TRMT112: variants seen among roughly 807,000 people sequenced by gnomAD.
TRMT112 encodes multifunctional methyltransferase subunit TRM112-like protein.
In TRMT112, 9 loss-of-function variants were observed where a neutral mutation model predicts 13.8. The observed-to-expected ratio is 0.65, with a 90% CI of 0.39 to 1.14. The LOEUF (loss-of-function observed/expected upper bound fraction) is 1.14. TRMT112 is among the 50% of genes most tolerant of loss of function. The pLI is 0.01. For missense variants in TRMT112, 196 were observed against 165.5 expected (o/e 1.18, Z -1.01); for synonymous variants, 64 against 67.0 (o/e 0.96, Z 0.22).
upstream of TRMT112, chr11:64,318,439 C>T (rs2035382576): frequency 9.0e-6 from 14 of 1,549,756 alleles, no homozygotes; most frequent in Non-Finnish European, 1.2e-5. Flanking sequence ...CATGGCAATC[C>T]CCGTCCCGCT....
At chr11:64,317,175 C>G (rs1163008609) in intron 2 of TRMT112, 28 bp from the exon 3 acceptor site, 2 of 1,612,746 alleles carry the variant, frequency 1.2e-6, no homozygotes, top group Admixed American at 1.7e-5. Flanking sequence ...AAATTATCTC[C>G]GGGCATCCCG....
chr11:64,318,245 A>G (rs771199353), upstream of TRMT112: 2 of 1,611,868 alleles, frequency 1.2e-6, no homozygotes, highest in Non-Finnish European at 1.7e-6. Flanking sequence ...GCGCCCTGAG[A>G]CGCTCAGCGG....
chr11:64,318,393 G>T (rs748462954), upstream of TRMT112: 2 of 1,600,384 alleles, frequency 1.2e-6, no homozygotes, highest in Admixed American at 1.7e-5. Flanking sequence ...CAAGGTGACC[G>T]CTGGCCCGGC....
Position 64,317,445 on chromosome 11 carries a change from G to C in TRMT112, c.78+4C>G, listed in dbSNP as rs746464116. On this transcript the variant is annotated splice_donor_region_variant and intron_variant, in intron 1 of 3. Coordinates refer to ENST00000544844, the MANE Select transcript of TRMT112 (RefSeq NM_016404.3). ...GAAAAGGGAAGACTGCCGCCGGCGG[G>C]TACCTGGAGGCGCAGGGGGAAGCCA... The C allele has an allele frequency of 1.2e-6, 2 of 1,612,014 alleles. No homozygotes were observed. The highest frequency in any genetic ancestry group is 1.7e-5 in the Admixed American group (1 of 59,692).
upstream of TRMT112, chr11:64,317,992 C>T (rs1016592861): frequency 4.1e-5 from 58 of 1,408,576 alleles, no homozygotes; most frequent in Non-Finnish European, 4.4e-5. Flanking sequence ...TGCTCCAGTG[C>T]CGAAAGCTCC....
At chr11:64,318,215 T>C (rs915221912), upstream of TRMT112, 5 of 1,610,174 alleles carry the variant, frequency 3.1e-6, no homozygotes, top group Admixed American at 1.7e-5. Context: ...GTGGGGCGGG[T>C]ATGGGACTAG....
At chr11:64,318,469 A>AT, upstream of TRMT112, 1 of 1,486,664 alleles carries the variant, frequency 6.7e-7, no homozygotes, top group Non-Finnish European at 9.0e-7. Context: ...GTATCGCTTT[A>AT]TTTCCTGCCT....
chr11:64,317,882 C>T, upstream of TRMT112: 4 of 1,281,354 alleles, frequency 3.1e-6, no homozygotes, highest in Non-Finnish European at 4.0e-6. Flanking sequence ...CACCGTCGTC[C>T]TCTGTATCCC....
At chr11:64,318,387 G>T, upstream of TRMT112, 8 of 1,604,072 alleles carry the variant, frequency 5.0e-6, no homozygotes, top group Non-Finnish European at 6.0e-6. Context: ...CCCAATCAAG[G>T]TGACCGCTGG....
At chr11:64,318,118 C>A, upstream of TRMT112, 3 of 1,533,392 alleles carry the variant, frequency 2.0e-6, no homozygotes, top group East Asian at 2.4e-5. Context: ...GGCCCAGGCC[C>A]GCCTTCCGCA....
chr11:64,318,071 T>C (rs1272368640), upstream of TRMT112: 1 of 1,448,182 alleles, frequency 6.9e-7, no homozygotes, highest in Admixed American at 2.8e-5. Flanking sequence ...GGAAGCTCTG[T>C]TCTGCGGGTG....
chr11:64,318,276 G>T (rs144769220), upstream of TRMT112: 11 of 1,612,344 alleles, frequency 6.8e-6, no homozygotes, highest in African/African-American at 1.5e-4. Context: ...CGTCGGTGGG[G>T]CCGGCGGTCA....
chr11:64,318,079 G>C, upstream of TRMT112: 7 of 1,451,478 alleles, frequency 4.8e-6, no homozygotes, highest in Non-Finnish European at 6.3e-6. Flanking sequence ...TGTTCTGCGG[G>C]TGGCCGCTCG....
upstream of TRMT112, chr11:64,318,407 G>A (rs764078661): frequency 5.0e-6 from 8 of 1,591,394 alleles, no homozygotes; most frequent in Non-Finnish European, 6.8e-6. Context: ...GCCCGGCCGG[G>A]CCTGACATCC....
chr11:64,317,330 G>C lies in TRMT112; in HGVS notation c.114C>G (p.Asn38Lys). The C allele has an allele frequency of 6.2e-7, 1 of 1,614,190 alleles. No homozygotes were observed. ...TEVRICPVEFNPNFVARMIPK... is the reference protein window; with the variant it reads ...TEVRICPVEFKPNFVARMIPK... Reference sequence around the variant, plus strand: ...GTATCATACGCGCCACGAAGTTGGGGTTGAATTCCACAGGGCAGATACGGA... The same window carrying C: ...GTATCATACGCGCCACGAAGTTGGGCTTGAATTCCACAGGGCAGATACGGA... The change falls in exon 2 of 4, where the codon AAC becomes AAG. Residue 38 changes from asparagine to lysine, a missense_variant. Asn to Lys is a moderately conservative substitution (Grantham distance 94, BLOSUM62 0). Coordinates refer to ENST00000544844, the MANE Select transcript of TRMT112 (RefSeq NM_016404.3).
upstream of TRMT112, chr11:64,318,100 G>A (rs1409024759): frequency 9.4e-6 from 14 of 1,488,924 alleles, no homozygotes; most frequent in South Asian, 1.2e-4. Context: ...CGCCTGCGCA[G>A]TGGAGGCGGC....
upstream of TRMT112, chr11:64,318,161 G>C (rs1394411961): frequency 2.5e-6 from 4 of 1,603,666 alleles, no homozygotes; most frequent in Non-Finnish European, 3.4e-6. Context: ...GCGGTGCCCC[G>C]CCTGCTGCGG....
upstream of TRMT112, chr11:64,318,065 G>C: frequency 2.1e-6 from 3 of 1,442,710 alleles, no homozygotes; most frequent in Non-Finnish European, 2.7e-6. Flanking sequence ...GGTCCCGGAA[G>C]CTCTGTTCTG....
At chr11:64,317,668 G>T, upstream of TRMT112, 1 of 956,988 alleles carries the variant, frequency 1.0e-6, no homozygotes, top group Non-Finnish European at 1.5e-6. Context: ...TCGTGTTTGT[G>T]GGAGCTGAGG....
Sources: gnomAD v4.1 joint callset for allele counts on GRCh38, gnomAD v4.1.1 for gene constraint, MANE v1.5 for transcripts, NCBI Gene and HGNC (gene_info 2026-07-23, HGNC 2026-07-21) for gene names.